PRMT2: variants seen among roughly 807,000 people sequenced by gnomAD.
The protein encoded by PRMT2 is protein arginine methyltransferase 2.
PRMT2 carries 26 observed loss-of-function variants against 57.6 expected under a neutral mutation model. The ratio of observed to expected loss-of-function variants is 0.45; its 90% CI spans 0.33 to 0.63. PRMT2 has a LOEUF of 0.63. Ranked by LOEUF, PRMT2 falls within the 20% of genes least tolerant of loss-of-function variation. The pLI is 0.02. For missense variants in PRMT2, 472 were observed against 564.4 expected, an observed-to-expected ratio of 0.84 and a Z score of 1.66; for synonymous variants, 219 against 220.0, an observed-to-expected ratio of 1.00 and a Z score of 0.04.
At position 46,644,513 on chromosome 21, in the gene PRMT2, C is replaced by T. The variant is rs767701847; in HGVS notation, c.327+25C>T. 5.1e-6 allele frequency: 8 copies of T among 1,557,710 alleles called. No individual in the cohort carries two copies. In the African/African-American group the frequency reaches 1.1e-4, roughly 22 times the overall value. On this transcript the variant is annotated intron_variant, in intron 5 of 11. Coordinates refer to ENST00000355680, the MANE Select transcript of PRMT2 (RefSeq NM_206962.4). The stretch of plus-strand genomic sequence containing the variant: ...GGTATTGCTTTCTAAATTCCCTGTT[C>T]AGCTGGCCAGGCGGTGGGTTCTCTC...
intron 7 of PRMT2, chr21:46,652,175 C>G: frequency 1.4e-6 from 2 of 1,423,744 alleles, no homozygotes; most frequent in Non-Finnish European, 1.8e-6. Context: ...CTAAAATAAA[C>G]CTCAGATGGG....
chr21:46,636,359 C>T (rs925308195), intron 1 of PRMT2, 80 bp from the exon 2 acceptor site: 10 of 152,388 alleles, frequency 6.6e-5, no homozygotes, highest in African/African-American at 2.4e-4. Flanking sequence ...CAAAAATAAG[C>T]TTCAAGTCTG....
chr21:46,652,918 C>T (rs1399875005), intron 7 of PRMT2: 2 of 1,302,102 alleles, frequency 1.5e-6, no homozygotes, highest in Admixed American at 4.7e-5. Context: ...ACTCAGCAGT[C>T]TCCCACTAGC....
chr21:46,649,463 C>T lies in PRMT2; in HGVS notation c.490-112C>T, dbSNP rs1331301761. 6.5e-7 allele frequency: 1 copy of T among 1,539,928 alleles called. No individual in the cohort carries two copies. The highest frequency in any genetic ancestry group is 8.9e-7 in the Non-Finnish European group (1 of 1,118,262). ...GCTGCCTCTGCTGTCTGGAATGCTG[C>T]TTCCCTCTTGTGTCATTGACCATTT... is the stretch of plus-strand genomic sequence containing the variant. On this transcript the variant is annotated intron_variant, in intron 6 of 11. Coordinates refer to ENST00000355680, the MANE Select transcript of PRMT2 (RefSeq NM_206962.4). This position sits in a 1 kb window ranked among gnomAD's most constrained non-coding sequence, Gnocchi z 4.8.
intron 5 of PRMT2, among the ~76,000 whole-genome samples, chr21:46,644,931 A>C (rs1156550080): frequency 6.6e-6 from 1 of 151,940 alleles, no homozygotes; most frequent in Non-Finnish European, 1.5e-5. Context: ...AAAGCAGTAA[A>C]TTTTACTTTA....
intron 7 of PRMT2, chr21:46,658,509 T>C: frequency 1.7e-6 from 1 of 584,140 alleles, no homozygotes; most frequent in African/African-American, 1.9e-5. Context: ...CTCCAGTTCA[T>C]AGTTCTAATG....
At chr21:46,654,795 A>G (rs933221423) in intron 7 of PRMT2, 2 of 575,844 alleles carry the variant, frequency 3.5e-6, no homozygotes, top group South Asian at 7.7e-5. Context: ...TATATGGGGG[A>G]CTTTAGCATC....
At chr21:46,660,268 G>A (rs566551745) in intron 8 of PRMT2, 3 of 627,326 alleles carry the variant, frequency 4.8e-6, no homozygotes, top group South Asian at 7.2e-5. Context: ...GCCATGCGGC[G>A]TCTAGTGTCT....
intron 7 of PRMT2, chr21:46,658,535 TA>T (rs2061572334): frequency 7.4e-6 from 6 of 808,236 alleles, no homozygotes; most frequent in Non-Finnish European, 1.1e-5. Flanking sequence ...TTATGTGACT[TA>T]AACCCAGGCT....
intron 8 of PRMT2, chr21:46,660,080 T>G (rs1387849839): frequency 1.0e-6 from 1 of 976,196 alleles, no homozygotes; most frequent in Non-Finnish European, 1.2e-6. Context: ...TTGTAATTTT[T>G]TATCAGAAAA....
chr21:46,649,211 A>G lies in PRMT2; in HGVS notation c.490-364A>G, dbSNP rs2061411665. 6.6e-6 allele frequency among the ~76,000 whole-genome samples: 1 copy of G among 152,204 alleles called. No individual in the cohort carries two copies. Among genetic ancestry groups the G allele is most frequent in the African/African-American group, 2.4e-5 (1 of 41,446 alleles). On this transcript the variant is annotated intron_variant, in intron 6 of 11. Transcript: ENST00000355680. This position sits in a 1 kb window ranked among gnomAD's most constrained non-coding sequence, Gnocchi z 4.8. ...GAACCTGGGTTTGAAATTGTCTGAC[A>G]GGCCTCAGATGTGGCACAGACCAGC...
chr21:46,653,221 C>T (rs910220949), intron 7 of PRMT2: 1 of 985,424 alleles, frequency 1.0e-6, no homozygotes, highest in Non-Finnish European at 1.2e-6. Context: ...TAATAATTCT[C>T]TTCACACAGC....
At position 46,648,672 on chromosome 21, in the gene PRMT2, C is replaced by G. The variant is rs1368065329; in HGVS notation, c.489+53C>G. The G allele has an allele frequency of 6.3e-7, 1 of 1,591,406 alleles. No homozygotes were observed. The highest frequency in any genetic ancestry group is 8.6e-7 in the Non-Finnish European group (1 of 1,165,048). The stretch of plus-strand genomic sequence containing the variant: ...GTGTTTGTGCCGAGGCTGGTGACGT[C>G]CGAGGTGGCCTCTGAGTGTGCTGAC... On this transcript the variant is annotated intron_variant, in intron 6 of 11. Transcript: ENST00000355680. This position sits in a 1 kb window ranked among gnomAD's most constrained non-coding sequence, Gnocchi z 4.8.
chr21:46,649,130 G>A lies in PRMT2; in HGVS notation c.490-445G>A, dbSNP rs1289771926. The stretch of plus-strand genomic sequence containing the variant: ...CAGCACAGTGTCCACCCAAGTCCAG[G>A]CTCTGCAGGACCCAGGACCCAGCGC... On this transcript the variant is annotated intron_variant, in intron 6 of 11. Coordinates refer to ENST00000355680, the MANE Select transcript of PRMT2 (RefSeq NM_206962.4). This position sits in a 1 kb window ranked among gnomAD's most constrained non-coding sequence, Gnocchi z 4.8. Among the ~76,000 whole-genome samples, 1 of 152,140 alleles carries A rather than the reference G, an allele frequency of 6.6e-6. No individual in the cohort carries two copies. Among genetic ancestry groups the A allele is most frequent in the East Asian group, 1.9e-4 (1 of 5,188 alleles).
At chr21:46,651,753 T>C (rs1326700414) in intron 7 of PRMT2, 63 of 1,593,682 alleles carry the variant, frequency 4.0e-5, no homozygotes, top group Non-Finnish European at 4.8e-5. Context: ...AGGGAGGGTA[T>C]GAATCTGGGA....
chr21:46,651,618 C>G (rs2236617), intron 7 of PRMT2, among the ~76,000 whole-genome samples: 102,001 of 151,698 alleles, frequency 0.67, 34,463 homozygotes, highest in Admixed American at 0.75. Flanking sequence ...AGACTCCCCC[C>G]CAGGGAGACT....
rs946045654 is a variant in PRMT2, at chr21:46,648,996, G to A, written c.489+377G>A. On this transcript the variant is annotated intron_variant, in intron 6 of 11. Coordinates refer to ENST00000355680, the MANE Select transcript of PRMT2 (RefSeq NM_206962.4). This position sits in a 1 kb window ranked among gnomAD's most constrained non-coding sequence, Gnocchi z 4.8. ...GGTGTGGTTGGTCTCATGGGGTTGG[G>A]AGGGATGCACACGCTGGGCCCCCTC... 6.6e-6 allele frequency among the ~76,000 whole-genome samples: 1 copy of A among 152,142 alleles called. No individual in the cohort carries two copies. The highest frequency in any genetic ancestry group is 6.5e-5 in the Admixed American group (1 of 15,276).
At chr21:46,661,498 T>C (rs974661548) in intron 9 of PRMT2, 2 of 233,472 alleles carry the variant, frequency 8.6e-6, no homozygotes, top group African/African-American at 2.3e-5. Context: ...TTCGTTCTGC[T>C]GTGGAAAGGC....
intron 7 of PRMT2, chr21:46,651,697 C>T (rs973475810): frequency 4.0e-6 from 5 of 1,265,074 alleles, no homozygotes; most frequent in Middle Eastern, 2.6e-4. Flanking sequence ...TGCAAGAGTT[C>T]CTATGGCGAT....
Sources: allele counts gnomAD v4.1 joint callset (sites outside exome capture counted in the v4.1 genomes callset), GRCh38; gene constraint gnomAD v4.1.1; non-coding constraint Gnocchi (gnomAD v3.1); transcripts MANE v1.5; gene names NCBI Gene and HGNC (gene_info 2026-07-23, HGNC 2026-07-21).